The following CHODL variants were observed in gnomAD, a reference collection of about 807,000 sequenced individuals.
The protein encoded by CHODL is chondrolectin.
In CHODL, 29 loss-of-function variants were observed where a neutral mutation model predicts 34.5. That is an observed-to-expected ratio of 0.84 (90% CI 0.63 to 1.15). The LOEUF (loss-of-function observed/expected upper bound fraction) is 1.15. CHODL is among the 50% of genes most tolerant of loss of function. The pLI, the probability that CHODL is intolerant of heterozygous loss-of-function variation, is 0.00. For missense variants in CHODL, 332 were observed against 332.5 expected (o/e 1.00, Z 0.01); for synonymous variants, 125 against 116.1 (o/e 1.08, Z -0.49).
At chr21:18,061,357 C>T (rs1386310181) in intron 2 of CHODL, among the ~76,000 whole-genome samples, 1 of 151,890 alleles carries the variant, frequency 6.6e-6, no homozygotes, top group Admixed American at 6.6e-5. Context: ...TATATATAAG[C>T]AGTAATGTAA....
At chr21:18,171,758 T>A (rs1472885631) in intron 2 of CHODL, among the ~76,000 whole-genome samples, 1 of 151,754 alleles carries the variant, frequency 6.6e-6, no homozygotes, top group African/African-American at 2.4e-5. Flanking sequence ...TTCTTTTTTT[T>A]GCTCTTGTAG....
At chr21:17,924,920 C>A (rs2063211408) in intron 1 of CHODL, among the ~76,000 whole-genome samples, 1 of 152,130 alleles carries the variant, frequency 6.6e-6, no homozygotes. Flanking sequence ...GACAAAGACA[C>A]CAATCAATGA....
chr21:17,922,492 G>A (rs1568799249), intron 1 of CHODL, among the ~76,000 whole-genome samples: 1 of 152,162 alleles, frequency 6.6e-6, no homozygotes, highest in Non-Finnish European at 1.5e-5. Context: ...CACTCAAGAT[G>A]GGTTGATAAA....
chr21:18,010,405 G>A (rs2064008084), intron 1 of CHODL, among the ~76,000 whole-genome samples: 1 of 151,292 alleles, frequency 6.6e-6, no homozygotes, highest in Non-Finnish European at 1.5e-5. Context: ...GACTGGAGAA[G>A]TTTCACCTGG....
intron 2 of CHODL, among the ~76,000 whole-genome samples, chr21:18,103,524 T>A (rs983505536): frequency 6.6e-6 from 1 of 152,078 alleles, no homozygotes; most frequent in Non-Finnish European, 1.5e-5. Flanking sequence ...ATTTTTTGGG[T>A]CAGGAATTCA....
intron 1 of CHODL, among the ~76,000 whole-genome samples, chr21:17,945,205 CT>C (rs1161066884): frequency 1.5e-5 from 1 of 68,088 alleles, no homozygotes; most frequent in Non-Finnish European, 2.6e-5. Context: ...GAGCGAGACT[CT>C]GTTAAAAAAA....
chr21:18,232,904 TAATGG>T (rs2146757535), intron 2 of CHODL, among the ~76,000 whole-genome samples: 1 of 146,608 alleles, frequency 6.8e-6, no homozygotes, highest in South Asian at 2.1e-4. Flanking sequence ...CATATAATTA[TAATGG>T]TCCATATAAT....
chr21:18,026,337 G>A (rs1271132370), intron 1 of CHODL, among the ~76,000 whole-genome samples: 1 of 152,138 alleles, frequency 6.6e-6, no homozygotes, highest in Non-Finnish European at 1.5e-5. Context: ...TGTGGGTAAA[G>A]CCTGTAATTA....
rs970768428 is a variant in CHODL at position 17,936,192 on chromosome 21, A to G, written c.-145+18792A>G. ...GGCAGGCAATTTCAGTATCCCAGGC[A>G]TAAAGGGCTAAGGATTCAGGCAATG... On this transcript the variant is annotated intron_variant, in intron 1 of 6. Transcript: ENST00000400127. Among the ~76,000 whole-genome samples, 26 of 152,226 alleles carry G rather than the reference A, an allele frequency of 1.7e-4. 1 individual carries two copies. The highest frequency in any genetic ancestry group is 6.3e-4 in the African/African-American group (26 of 41,468).
intron 2 of CHODL, among the ~76,000 whole-genome samples, chr21:18,110,261 G>A (rs147848371): frequency 8.2e-4 from 125 of 152,188 alleles, no homozygotes; most frequent in African/African-American, 3.0e-3. Flanking sequence ...GAGTCTCTTG[G>A]GTTTGTTCAC....
intron 2 of CHODL, among the ~76,000 whole-genome samples, chr21:18,223,687 C>G (rs2073905132): frequency 6.6e-6 from 1 of 152,038 alleles, no homozygotes; most frequent in Non-Finnish European, 1.5e-5. Flanking sequence ...TCAAACCCAC[C>G]AGCACCAAAT....
At chr21:17,922,250 G>A (rs765383280) in intron 1 of CHODL, among the ~76,000 whole-genome samples, 2 of 151,820 alleles carry the variant, frequency 1.3e-5, no homozygotes, top group Admixed American at 6.6e-5. Flanking sequence ...CCCAACAGAT[G>A]GAAAATTGTG....
chr21:18,169,197 G>T (rs944128624), intron 2 of CHODL, among the ~76,000 whole-genome samples: 3 of 152,006 alleles, frequency 2.0e-5, no homozygotes, highest in Non-Finnish European at 2.9e-5. Context: ...ATCCTTACTT[G>T]TTGGAGGTTG....
At chr21:17,933,068 G>C (rs549034376) in intron 1 of CHODL, among the ~76,000 whole-genome samples, 3 of 152,162 alleles carry the variant, frequency 2.0e-5, no homozygotes, top group Non-Finnish European at 4.4e-5. Context: ...ATGCCTTAAA[G>C]AGCAGTATTG....
intron 2 of CHODL, among the ~76,000 whole-genome samples, chr21:18,098,948 A>G (rs2065175868): frequency 6.6e-6 from 1 of 152,104 alleles, no homozygotes; most frequent in Non-Finnish European, 1.5e-5. Flanking sequence ...ACTGGAGGTC[A>G]TTATGTTATG....
chr21:18,131,664 A>G (rs955187725), intron 2 of CHODL, among the ~76,000 whole-genome samples: 1 of 152,090 alleles, frequency 6.6e-6, no homozygotes, highest in African/African-American at 2.4e-5. Context: ...TCATAGCACC[A>G]CAGTCCCTAT....
intron 2 of CHODL, among the ~76,000 whole-genome samples, chr21:18,046,682 A>G (rs1213475261): frequency 6.6e-6 from 1 of 151,962 alleles, no homozygotes; most frequent in African/African-American, 2.4e-5. Context: ...ATTACTTGAG[A>G]TAATGTATGC....
chr21:18,028,236 T>G (rs1046985755), intron 2 of CHODL, among the ~76,000 whole-genome samples: 1 of 64,990 alleles, frequency 1.5e-5, no homozygotes, highest in East Asian at 4.9e-4. Context: ...TCCCCTCCCC[T>G]TCCCCTTCCC....
Position 18,131,404 on chromosome 21 carries a change from A to G in CHODL, c.-45+103433A>G, listed in dbSNP as rs181917869. Reference sequence around the variant, plus strand: ...ATCACAAATTATTTGAAACATTTCAATGTAAATCTATTCTCATCACTTTGG... The same window carrying G: ...ATCACAAATTATTTGAAACATTTCAGTGTAAATCTATTCTCATCACTTTGG... On this transcript the variant is annotated intron_variant, in intron 2 of 6. Coordinates refer to the CHODL transcript ENST00000400127. Among the ~76,000 whole-genome samples the G allele has an allele frequency of 4.4e-3, 676 of 152,332 alleles. 3 individuals carry two copies. Among genetic ancestry groups the G allele is most frequent in the Middle Eastern group, 6.8e-3 (2 of 294 alleles).
Sources: allele counts gnomAD v4.1 joint callset (sites outside exome capture counted in the v4.1 genomes callset), GRCh38; gene constraint gnomAD v4.1.1; transcripts MANE v1.5; gene names NCBI Gene and HGNC (gene_info 2026-07-23, HGNC 2026-07-21).